The following STAB1 variants were observed in gnomAD, a reference collection of about 807,000 sequenced individuals.
STAB1 encodes the protein stabilin 1.
STAB1 carries 250 observed loss-of-function variants against 332.4 expected under a neutral mutation model. The ratio of observed to expected loss-of-function variants is 0.75; its 90% confidence interval spans 0.68 to 0.84. The LOEUF (loss-of-function observed/expected upper bound fraction) is 0.84, where lower values mean the gene tolerates loss of function less well. Among genes scored for constraint, STAB1 ranks in the 40% least tolerant of loss-of-function variants. The pLI is 0.00. For synonymous variants in STAB1, 1,475 were observed against 1,390.4 expected (o/e 1.06, Z -1.35); for missense variants, 3,249 against 3,489.7 (o/e 0.93, Z 1.74).
rs2079121657 is a variant in STAB1 at position 52,522,863 on chromosome 3, G to A, written c.6833G>A (p.Gly2278Asp). 6.2e-7 allele frequency: 1 copy of A among 1,613,344 alleles called. No homozygotes were observed. Among genetic ancestry groups the A allele is most frequent in the Non-Finnish European group, 8.5e-7 (1 of 1,180,022 alleles). ...TTCCCTGTGGCGGACTGTGGCAATG[G>A]TCGGGTGGGCATAGTCAGCCTGGGT... is the stretch of plus-strand genomic sequence containing the variant. Reference protein sequence around the residue: ...VVFPVADCGNGRVGIVSLGAR... With the variant: ...VVFPVADCGNDRVGIVSLGAR... Residue 2278 changes from glycine (G) to aspartate (D), a missense_variant, in exon 62 of 69, where the codon GGT (glycine) becomes GAT (aspartate). Coordinates refer to ENST00000321725, the MANE Select transcript of STAB1 (RefSeq NM_015136.3).
Position 52,523,278 on chromosome 3 carries a change from G to A in STAB1, c.7077G>A (p.Leu2359=), listed in dbSNP as rs759763817. 1 of 1,613,132 alleles carries A rather than the reference G, an allele frequency of 6.2e-7. No individual in the cohort carries two copies. The highest frequency in any genetic ancestry group is 8.5e-7 in the Non-Finnish European group (1 of 1,180,012). The part of the protein sequence containing the change: ...TQRGLDFLDF[L]DDELTYKTLF... ...GGGGTCTCGACTTCCTGGACTTCCT[G>A]GATGATGAGCTCACGTATAAGACAC... Residue 2359 remains leucine, a synonymous_variant, in exon 64 of 69, where the codon CTG becomes CTA. Coordinates refer to ENST00000321725, the MANE Select transcript of STAB1 (RefSeq NM_015136.3).
chr3:52,513,025 C>T (rs909551222), intron 29 of STAB1, 67 bp downstream of exon 29: 1 of 1,572,416 alleles, frequency 6.4e-7, no homozygotes. Flanking sequence ...CCCAGCGAGT[C>T]CTCAGCCTGG....
Position 52,522,156 on chromosome 3 carries a change from C to A in STAB1, c.6391C>A (p.Arg2131=). The change falls in exon 59 of 69, where the codon CGG becomes AGG. Residue 2131 remains arginine, a synonymous_variant. Transcript: ENST00000321725. ...PDYEGDGWSC[R]ARNPCTDGHR... is the part of the protein sequence containing the mutation. ...CTACGAGGGTGATGGCTGGAGCTGCCGGGCCCGCAACCCCTGCACAGATGG... is the reference window on the plus strand; with the variant it reads ...CTACGAGGGTGATGGCTGGAGCTGCAGGGCCCGCAACCCCTGCACAGATGG... 1 of 1,612,904 alleles carries A rather than the reference C, an allele frequency of 6.2e-7. No individual in the cohort carries two copies. The highest frequency in any genetic ancestry group is 1.1e-5 in the South Asian group (1 of 91,086).
rs202059385 is a variant in STAB1, at chr3:52,502,226, C to T, written c.485C>T (p.Ser162Leu). The T allele has an allele frequency of 3.7e-5, 59 of 1,611,194 alleles. No individual in the cohort carries two copies. The highest frequency in any genetic ancestry group is 3.5e-4 in the Middle Eastern group (2 of 5,648). ...DPNRFGPDCQ[S>L]VCSCVHGVCN... ...AACCGGTTCGGGCCTGACTGCCAAT[C>T]GGGTGAGTGCTTAAAAGGCAAGAGG... The change falls in exon 5 of 69, where the codon TCG becomes TTG. Residue 162 changes from serine to leucine, a missense_variant and splice_region_variant. Physicochemically the swap from Ser to Leu is moderately radical, Grantham distance 145. Coordinates refer to ENST00000321725, the MANE Select transcript of STAB1 (RefSeq NM_015136.3).
At chr3:52,521,991 A>ACTCCCC in intron 58 of STAB1, 40 bp downstream of exon 58, 1 of 1,606,830 alleles carries the variant, frequency 6.2e-7, no homozygotes, top group African/African-American at 1.3e-5. Flanking sequence ...GGAGGCCCCC[A>ACTCCCC]CTCCCCTGCA....
At chr3:52,508,529 A>G (rs1376871999) in intron 21 of STAB1, 170 bp downstream of exon 21, 1 of 701,732 alleles carries the variant, frequency 1.4e-6, no homozygotes, top group African/African-American at 1.8e-5. Context: ...TTAATTAAAA[A>G]TAATTAGAGA....
chr3:52,509,322 G>T lies in STAB1; in HGVS notation c.2347+1G>T, dbSNP rs775905325. On this transcript the variant is annotated splice_donor_variant, in intron 22 of 68. Coordinates refer to ENST00000321725, the MANE Select transcript of STAB1 (RefSeq NM_015136.3). LOFTEE classifies it high-confidence loss of function. Reference sequence around the variant, plus strand: ...AAGCATGGAGAGCAATGCCAGGAAGGTGGGTGGTCCTGGCTCAGGCCACCT... The same window carrying T: ...AAGCATGGAGAGCAATGCCAGGAAGTTGGGTGGTCCTGGCTCAGGCCACCT... 6.2e-7 allele frequency: 1 copy of T among 1,612,930 alleles called. No individual in the cohort carries two copies. Among genetic ancestry groups the T allele is most frequent in the Admixed American group, 1.7e-5 (1 of 60,012 alleles).
intron 50 of STAB1, 101 bp downstream of exon 50, chr3:52,519,665 C>T (rs942234415): frequency 6.6e-7 from 1 of 1,507,502 alleles, no homozygotes; most frequent in Non-Finnish European, 9.1e-7. Context: ...CCTGTGTGCA[C>T]ACTGTCCCGT....
chr3:52,520,070 C>T lies in STAB1; in HGVS notation c.5362C>T (p.Arg1788Cys), dbSNP rs759167418. The part of the protein sequence containing the change: ...RQAWLYHEDH[R>C]DKLAAILRGH... ...GGCCTGGCTGTACCATGAGGACCACCGTGACAAGCTAGCAGCCATTCTGCG... is the reference window on the plus strand; with the variant it reads ...GGCCTGGCTGTACCATGAGGACCACTGTGACAAGCTAGCAGCCATTCTGCG... The change falls in exon 51 of 69, where the codon CGT becomes TGT. Residue 1788 changes from arginine to cysteine, a missense_variant. Transcript: ENST00000321725. The T allele has an allele frequency of 1.9e-5, 30 of 1,612,294 alleles. No homozygotes were observed. The highest frequency in any genetic ancestry group is 2.7e-5 in the African/African-American group (2 of 74,930).
In STAB1 at chr3:52,502,244, G is replaced by A. The variant is rs1164455701; in HGVS notation, c.487+16G>A. The stretch of plus-strand genomic sequence containing the variant: ...TGCCAATCGGGTGAGTGCTTAAAAG[G>A]CAAGAGGGCACGGCCAGCGTCCACC... On this transcript the variant is annotated intron_variant, in intron 5 of 68. Coordinates refer to ENST00000321725, the MANE Select transcript of STAB1 (RefSeq NM_015136.3). 7 of 1,608,120 alleles carry A rather than the reference G, an allele frequency of 4.4e-6. No individual in the cohort carries two copies. In the South Asian group the frequency reaches 6.6e-5, roughly 15 times the overall value.
In STAB1 at chr3:52,495,469, G is replaced by C. The variant is rs201025822; in HGVS notation, c.56G>C (p.Gly19Ala). ...PLCLLAFCLA[G>A]FSFVRGQVLF... is the part of the protein sequence containing the mutation. Reference sequence around the variant, plus strand: ...TGCCTCCTGGCCTTCTGCCTGGCAGGCTTCAGCTTCGTCAGGGGGCAGGTA... The same window carrying C: ...TGCCTCCTGGCCTTCTGCCTGGCAGCCTTCAGCTTCGTCAGGGGGCAGGTA... Residue 19 changes from glycine to alanine, a missense_variant, in exon 1 of 69, where the codon GGC becomes GCC. Physicochemically the swap from Gly to Ala is moderately conservative, Grantham distance 60. Transcript: ENST00000321725. The C allele has an allele frequency of 4.5e-5, 61 of 1,341,596 alleles. No individual in the cohort carries two copies. The highest frequency in any genetic ancestry group is 5.2e-5 in the Non-Finnish European group (54 of 1,039,402). 83.1% of individuals were successfully genotyped at this position (1,341,596 alleles called of 1,614,324 possible).
At position 52,515,444 on chromosome 3, in the gene STAB1, G is replaced by A; in HGVS notation, c.3886G>A (p.Val1296Ile). Reference sequence around the variant, plus strand: ...CCAGGACACACCCAGGAAGAGCTGTGTCTACCGATCTGGCTTCTCCTTCTC... The same window carrying A: ...CCAGGACACACCCAGGAAGAGCTGTATCTACCGATCTGGCTTCTCCTTCTC... Reference protein sequence around the residue: ...QLQDTPRKSCVYRSGFSFSRG... With the variant: ...QLQDTPRKSCIYRSGFSFSRG... Residue 1296 changes from valine to isoleucine, a missense_variant, in exon 37 of 69, where the codon GTC (valine) becomes ATC (isoleucine). Transcript: ENST00000321725. 3 of 1,613,398 alleles carry A rather than the reference G, an allele frequency of 1.9e-6. No homozygotes were observed. The highest frequency in any genetic ancestry group is 2.5e-6 in the Non-Finnish European group (3 of 1,180,014).
rs2079112069 is a variant in STAB1 at position 52,522,607 on chromosome 3, G to T, written c.6663G>T (p.Leu2221=). The T allele has an allele frequency of 6.2e-7, 1 of 1,612,908 alleles. No individual in the cohort carries two copies. Among genetic ancestry groups the T allele is most frequent in the African/African-American group, 1.3e-5 (1 of 74,938 alleles). Reference sequence around the variant, plus strand: ...AGGCCACCAGCGGCCCTTATGGTCTGAACTTTTCGGAGGCTGAGGCGGCAT... The same window carrying T: ...AGGCCACCAGCGGCCCTTATGGTCTTAACTTTTCGGAGGCTGAGGCGGCAT... ...HLQATSGPYG[L]NFSEAEAACE... is the part of the protein sequence containing the mutation. Residue 2221 remains leucine, a synonymous_variant, in exon 61 of 69, where the codon CTG becomes CTT. Transcript: ENST00000321725.
chr3:52,516,943 C>T (rs1372702534), intron 41 of STAB1, 41 bp from the exon 42 acceptor site: 1 of 1,608,636 alleles, frequency 6.2e-7, no homozygotes, highest in African/African-American at 1.3e-5. Context: ...GCCTCCGGCC[C>T]CGTGCCTGCT....
Position 52,520,028 on chromosome 3 carries a change from C to T in STAB1, c.5320C>T (p.Leu1774=). The change falls in exon 51 of 69, where the codon CTG becomes TTG. Residue 1774 remains leucine (L), a synonymous_variant. Coordinates refer to ENST00000321725, the MANE Select transcript of STAB1 (RefSeq NM_015136.3). ...GCCCACAGACGCCGCCTTTCGAGCT[C>T]TGCCTCCGGATCGCCAGGCCTGGCT... The part of the protein sequence containing the change: ...LWPTDAAFRA[L]PPDRQAWLYH... 1 of 1,612,698 alleles carries T rather than the reference C, an allele frequency of 6.2e-7. No homozygotes were observed. Among genetic ancestry groups the T allele is most frequent in the East Asian group, 2.2e-5 (1 of 44,876 alleles).
At chr3:52,518,047 C>T (rs747828935) in intron 45 of STAB1, 44 bp downstream of exon 45, 1 of 1,566,078 alleles carries the variant, frequency 6.4e-7, no homozygotes, top group Non-Finnish European at 8.6e-7. Flanking sequence ...CTTGGCTGTG[C>T]CCCATGGGCC....
In STAB1 at chr3:52,520,100, C is replaced by T. The variant is rs780729933; in HGVS notation, c.5392C>T (p.His1798Tyr). The T allele has an allele frequency of 1.6e-5, 26 of 1,610,416 alleles. No individual in the cohort carries two copies. Among genetic ancestry groups the T allele is most frequent in the Admixed American group, 3.3e-5 (2 of 59,978 alleles). ...RDKLAAILRGHMIRNVEALAS... is the reference protein window; with the variant it reads ...RDKLAAILRGYMIRNVEALAS... The stretch of plus-strand genomic sequence containing the variant: ...CAAGCTAGCAGCCATTCTGCGGGGC[C>T]ACATGATTCGCAATGTCGAGGTGGG... The change falls in exon 51 of 69, where the codon CAC (histidine) becomes TAC (tyrosine). Residue 1798 changes from histidine (H) to tyrosine (Y), a missense_variant. His to Tyr is a moderately conservative substitution (Grantham distance 83). Transcript: ENST00000321725.
chr3:52,504,842 G>C lies in STAB1; in HGVS notation c.1343G>C (p.Gly448Ala). 6.2e-7 allele frequency: 1 copy of C among 1,613,752 alleles called. No homozygotes were observed. The highest frequency in any genetic ancestry group is 8.5e-7 in the Non-Finnish European group (1 of 1,180,026). Residue 448 changes from glycine to alanine, a missense_variant, in exon 12 of 69, where the codon GGG becomes GCG. Transcript: ENST00000321725. ...ACACGAAGGTGGTGGACGCTGGCCG[G>C]GCAGGAGATCACCGTCACCTTTAAC... is the stretch of plus-strand genomic sequence containing the variant. ...QQTRRWWTLA[G>A]QEITVTFNQF... is the part of the protein sequence containing the mutation.
At chr3:52,522,736 C>T (rs746316922) in intron 61 of STAB1, 39 bp from the exon 62 acceptor site, 1 of 1,612,770 alleles carries the variant, frequency 6.2e-7, no homozygotes, top group Non-Finnish European at 8.5e-7. Flanking sequence ...GAGGCCTTGA[C>T]TGGGTCTTGG....
Sources: allele counts gnomAD v4.1 joint callset, GRCh38; gene constraint gnomAD v4.1.1; transcripts MANE v1.5; gene names NCBI Gene and HGNC (gene_info 2026-07-23, HGNC 2026-07-21).